Variants in NHSL1 observed in about 807,000 individuals in gnomAD.
NHSL1 encodes NHS like 1.
In NHSL1, 48 loss-of-function variants were observed where a neutral mutation model predicts 95.0. That is an observed-to-expected ratio of 0.51 (90% CI 0.40 to 0.64). NHSL1 has a LOEUF of 0.64. Among genes scored for constraint, NHSL1 ranks in the 30% least tolerant of loss-of-function variants. The pLI is 0.00. For synonymous variants in NHSL1, 783 were observed against 833.9 expected, an observed-to-expected ratio of 0.94 and a Z score of 1.05; for missense variants, 1,971 against 2,077.7, an observed-to-expected ratio of 0.95 and a Z score of 1.00.
At chr6:138,582,910 C>T (rs937328655) in intron 1 of NHSL1, among the ~76,000 whole-genome samples, 8 of 152,218 alleles carry the variant, frequency 5.3e-5, no homozygotes, top group Admixed American at 3.3e-4. Context: ...CACTTAACTA[C>T]TGCTGCCTCC....
intron 1 of NHSL1, among the ~76,000 whole-genome samples, chr6:138,595,227 G>A (rs1384295137): frequency 1.3e-5 from 2 of 152,118 alleles, no homozygotes; most frequent in African/African-American, 4.8e-5. Context: ...ACAGTCTCTA[G>A]GCAGTATATG....
chr6:138,507,477 G>A (rs946620605), intron 1 of NHSL1, among the ~76,000 whole-genome samples: 1 of 152,198 alleles, frequency 6.6e-6, no homozygotes, highest in South Asian at 2.1e-4. Context: ...TGGGATGCTA[G>A]TTTTGGATAA....
chr6:138,485,117 G>A (rs1186019713), intron 2 of NHSL1, among the ~76,000 whole-genome samples: 1 of 152,178 alleles, frequency 6.6e-6, no homozygotes, highest in East Asian at 1.9e-4. Flanking sequence ...TGGCAGCAGA[G>A]GAGCATCACC....
At chr6:138,531,773 A>G (rs1219861974) in intron 1 of NHSL1, among the ~76,000 whole-genome samples, 1 of 152,142 alleles carries the variant, frequency 6.6e-6, no homozygotes, top group Non-Finnish European at 1.5e-5. Flanking sequence ...CTAGCCTTCT[A>G]AAGTGCTGGG....
rs535790190 is a variant in NHSL1, at chr6:138,593,199, A to G, written c.97-96828T>C. Among the ~76,000 whole-genome samples the G allele has an allele frequency of 2.0e-5, 3 of 152,320 alleles. No homozygotes were observed. In the South Asian group the frequency reaches 6.2e-4, roughly 32 times the overall value. On this transcript the variant is annotated intron_variant, in intron 1 of 3. Transcript: ENST00000491526. ...ATGTCCTATTAATCACAGGAGGTAG[A>G]CGGGTTCTGTGATTCCAGCACTGAC...
upstream of NHSL1, among the ~76,000 whole-genome samples, chr6:138,548,008 T>C (rs1286438595): frequency 6.6e-6 from 1 of 152,194 alleles, no homozygotes; most frequent in Middle Eastern, 3.2e-3. Flanking sequence ...CACAGGCTAA[T>C]GAGACCGAGT....
chr6:138,431,782 G>A lies in NHSL1; in HGVS notation c.2563C>T (p.Gln855Ter). 6.4e-7 allele frequency: 1 copy of A among 1,551,584 alleles called. No individual in the cohort carries two copies. Among genetic ancestry groups the A allele is most frequent in the Non-Finnish European group, 8.7e-7 (1 of 1,146,846 alleles). Residue 855 changes from glutamine to a stop codon, truncating the protein, a stop_gained, in exon 6 of 8, where the codon CAG (glutamine) becomes TAG (stop). Transcript: ENST00000343505. LOFTEE classifies it high-confidence loss of function. This position sits in a 1 kb window ranked among gnomAD's most constrained non-coding sequence, Gnocchi z 4.0. Reference sequence around the variant, plus strand: ...GTGAGTGCTGTGGGTGTATTCGACTGGCTGGAATACCCACTGGATGGAGAA... The same window carrying A: ...GTGAGTGCTGTGGGTGTATTCGACTAGCTGGAATACCCACTGGATGGAGAA... The part of the protein sequence containing the change: ...VISPSSGYSS[Q>*]SNTPTALTPV...
At chr6:138,596,709 C>A (rs1454159393) in intron 1 of NHSL1, among the ~76,000 whole-genome samples, 1 of 152,032 alleles carries the variant, frequency 6.6e-6, no homozygotes, top group African/African-American at 2.4e-5. Flanking sequence ...GAGAGGTGAA[C>A]CAAGCTTGGT....
At chr6:138,497,405 T>C (rs915803303) in intron 1 of NHSL1, among the ~76,000 whole-genome samples, 2 of 152,168 alleles carry the variant, frequency 1.3e-5, no homozygotes, top group Admixed American at 6.5e-5. Context: ...GATACTTGAA[T>C]TGTGAGTGAG....
intron 1 of NHSL1, among the ~76,000 whole-genome samples, chr6:138,529,871 C>T (rs1341581354): frequency 6.6e-6 from 1 of 152,184 alleles, no homozygotes; most frequent in Non-Finnish European, 1.5e-5. Context: ...TTAATGACAT[C>T]TGAAAAGTCC....
Position 138,594,711 on chromosome 6 carries a change from G to A in NHSL1, c.96+97765C>T, listed in dbSNP as rs111280702. On this transcript the variant is annotated intron_variant, in intron 1 of 3. Transcript: ENST00000491526. ...AGGGTGTGTACTTTAAATTGAGCAC[G>A]TTGACACTGACAAGGAAAGGGCTAC... is the stretch of plus-strand genomic sequence containing the variant. 5.9e-5 allele frequency among the ~76,000 whole-genome samples: 9 copies of A among 152,106 alleles called. No homozygotes were observed. The South Asian group carries it at 6.2e-4, about 11-fold the overall frequency.
upstream of NHSL1, among the ~76,000 whole-genome samples, chr6:138,574,790 T>A (rs1471509101): frequency 6.6e-6 from 1 of 152,038 alleles, no homozygotes; most frequent in Non-Finnish European, 1.5e-5. Context: ...AAATCGAGGC[T>A]TCAGTGAGCT....
intron 5 of NHSL1, among the ~76,000 whole-genome samples, chr6:138,436,315 C>T (rs1002927563): frequency 2.0e-5 from 3 of 152,156 alleles, no homozygotes; most frequent in African/African-American, 7.2e-5. Context: ...CCAGAACATA[C>T]ACAAATAAAA....
At chr6:138,467,748 T>C (rs562879942) in intron 3 of NHSL1, among the ~76,000 whole-genome samples, 3 of 152,182 alleles carry the variant, frequency 2.0e-5, no homozygotes, top group African/African-American at 7.2e-5. Context: ...AATAGAAAAA[T>C]GGTTACATAA....
At chr6:138,692,936 G>A (rs187558993), upstream of NHSL1, among the ~76,000 whole-genome samples, 1,050 of 150,418 alleles carry the variant, frequency 7.0e-3, 10 homozygotes, top group African/African-American at 0.024. The surrounding 1 kb of genome is among the most constrained non-coding windows in gnomAD (Gnocchi z 4.0). Context: ...CGGACGGACG[G>A]ACGGGCGCGC....
intron 1 of NHSL1, among the ~76,000 whole-genome samples, chr6:138,554,943 T>G (rs1783140090): frequency 6.6e-6 from 1 of 152,230 alleles, no homozygotes; most frequent in African/African-American, 2.4e-5. Context: ...ACCCATAGGA[T>G]TTACAACAAT....
At chr6:138,553,037 AAC>A in intron 1 of NHSL1, among the ~76,000 whole-genome samples, 1 of 152,292 alleles carries the variant, frequency 6.6e-6, no homozygotes, top group South Asian at 2.1e-4. Flanking sequence ...TTTCCAAAAG[AAC>A]TCCAATTGCA....
intron 1 of NHSL1, among the ~76,000 whole-genome samples, chr6:138,655,229 A>G (rs543862822): frequency 6.6e-6 from 1 of 152,376 alleles, no homozygotes; most frequent in South Asian, 2.1e-4. Flanking sequence ...TCATAAAAAT[A>G]CAATTAAAAA....
intron 1 of NHSL1, among the ~76,000 whole-genome samples, chr6:138,663,592 G>A (rs543983208): frequency 1.4e-4 from 21 of 150,006 alleles, no homozygotes; most frequent in African/African-American, 7.4e-5. Flanking sequence ...TTTCTAGGCC[G>A]GGCACGGTGG....
Sources: gnomAD v4.1 joint callset for allele counts (sites outside exome capture counted in the v4.1 genomes callset) on GRCh38, gnomAD v4.1.1 for gene constraint, Gnocchi (gnomAD v3.1) non-coding constraint, MANE v1.5 for transcripts, NCBI Gene and HGNC (gene_info 2026-07-23, HGNC 2026-07-21) for gene names.